The following RBM19 variants were observed in gnomAD, a reference collection of about 807,000 sequenced individuals.
RBM19 encodes the protein RNA binding motif protein 19.
Under a neutral mutation model 116.8 loss-of-function variants are expected in RBM19, and 94 were observed. That is an observed-to-expected ratio of 0.80 (90% CI 0.68 to 0.95). The LOEUF is 0.95. Ranked by LOEUF, RBM19 falls within the 40% of genes least tolerant of loss-of-function variation. RBM19 has a pLI of 0.00. For synonymous variants in RBM19, 475 were observed against 494.1 expected, an observed-to-expected ratio of 0.96 and a Z score of 0.51; for missense variants, 1,161 against 1,220.7, an observed-to-expected ratio of 0.95 and a Z score of 0.73.
intron 21 of RBM19, among the ~76,000 whole-genome samples, chr12:113,876,804 A>G (rs1458303585): frequency 6.6e-6 from 1 of 152,182 alleles, no homozygotes; most frequent in African/African-American, 2.4e-5. Context: ...AAAAATAGTA[A>G]TAATACAATA....
intron 22 of RBM19, among the ~76,000 whole-genome samples, chr12:113,854,837 G>T (rs1361561728): frequency 6.6e-6 from 1 of 152,242 alleles, no homozygotes; most frequent in Non-Finnish European, 1.5e-5. Flanking sequence ...ACTGGGGAGG[G>T]AGACTGGATG....
At position 113,825,693 on chromosome 12, in the gene RBM19, G is replaced by A. The variant is rs1874799500; in HGVS notation, c.2786-2372C>T. Among the ~76,000 whole-genome samples the A allele has an allele frequency of 6.6e-6, 1 of 152,104 alleles. No homozygotes were observed. The highest frequency in any genetic ancestry group is 2.4e-5 in the African/African-American group (1 of 41,404). ...CTCTCCCACATCCTGACAACTTGGA[G>A]GGACTGGCGAGGGGCGAGTTCTAGC... On this transcript the variant is annotated intron_variant, in intron 23 of 23. Transcript: ENST00000261741. This position sits in a 1 kb window ranked among gnomAD's most constrained non-coding sequence, Gnocchi z 5.7.
downstream of RBM19, among the ~76,000 whole-genome samples, chr12:113,819,002 G>C (rs577815120): frequency 8.5e-5 from 13 of 152,368 alleles, no homozygotes; most frequent in South Asian, 1.9e-3. Context: ...CGGGATGCCT[G>C]GAGTTTCTCT....
chr12:113,948,138 T>G (rs1871195783), intron 10 of RBM19, among the ~76,000 whole-genome samples: 1 of 152,202 alleles, frequency 6.6e-6, no homozygotes, highest in African/African-American at 2.4e-5. Context: ...ACATCAGGTG[T>G]TCAACCTACA....
intron 21 of RBM19, among the ~76,000 whole-genome samples, chr12:113,875,802 C>T (rs1289209795): frequency 2.6e-5 from 4 of 152,192 alleles, no homozygotes; most frequent in Non-Finnish European, 1.5e-5. Flanking sequence ...AGTCAATGAT[C>T]GTGTCTCTGG....
chr12:113,858,717 C>T (rs112209023), intron 22 of RBM19, 74 bp downstream of exon 22: 86 of 1,426,262 alleles, frequency 6.0e-5, no homozygotes, highest in Non-Finnish European at 8.3e-5. Context: ...GTGTTAGAGG[C>T]CTGGCTGTCT....
intron 23 of RBM19, among the ~76,000 whole-genome samples, chr12:113,830,379 T>C (rs1875274301): frequency 1.3e-5 from 2 of 152,102 alleles, no homozygotes; most frequent in East Asian, 3.9e-4. Context: ...ATGTTATTAA[T>C]CTTGGTGCTG....
chr12:113,935,240 A>G (rs11066827), intron 16 of RBM19, among the ~76,000 whole-genome samples: 30,361 of 151,824 alleles, frequency 0.2, 3,460 homozygotes, highest in African/African-American at 0.31. Flanking sequence ...GGCCTCCACC[A>G]ATTTGTTTTC....
intron 23 of RBM19, among the ~76,000 whole-genome samples, chr12:113,824,858 C>T (rs1874723238): frequency 6.6e-6 from 1 of 152,122 alleles, no homozygotes; most frequent in African/African-American, 2.4e-5. Context: ...ACTAGAGACC[C>T]CCCTCCCACC....
rs1566038702 is a variant in RBM19, at chr12:113,951,538, A to ACACACACAC, written c.1000+973_1000+974insGTGTGTGTG. ...TTACCTGACTGCACACACACACACA[A>ACACACACAC]ACACACACACACTCACACACACAAA... On this transcript the variant is annotated intron_variant, in intron 8 of 23. Transcript: ENST00000261741. Among the ~76,000 whole-genome samples the ACACACACAC allele has an allele frequency of 8.3e-3, 1,247 of 150,220 alleles. 28 individuals carry two copies. The highest frequency in any genetic ancestry group is 0.028 in the African/African-American group (1,172 of 41,170).
intron 21 of RBM19, among the ~76,000 whole-genome samples, chr12:113,888,085 C>T (rs1366473259): frequency 6.6e-6 from 1 of 152,150 alleles, no homozygotes; most frequent in African/African-American, 2.4e-5. Flanking sequence ...TGGTTAGCTC[C>T]CTGGACTTGC....
intron 17 of RBM19, among the ~76,000 whole-genome samples, chr12:113,926,336 G>A (rs192870932): frequency 2.0e-5 from 3 of 152,254 alleles, no homozygotes; most frequent in African/African-American, 4.8e-5. Context: ...AGTTGATGGC[G>A]ATCAGCCTGC....
intron 21 of RBM19, among the ~76,000 whole-genome samples, chr12:113,897,915 CT>C (rs1214016399): frequency 3.3e-5 from 5 of 152,230 alleles, no homozygotes; most frequent in African/African-American, 1.2e-4. Flanking sequence ...GGTAAACAGA[CT>C]CACAGGACAT....
chr12:113,889,302 T>C (rs555414428), intron 21 of RBM19, among the ~76,000 whole-genome samples: 1 of 152,272 alleles, frequency 6.6e-6, no homozygotes, highest in Non-Finnish European at 1.5e-5. Context: ...TCAGCACTGC[T>C]ATGGGGAAAG....
intron 21 of RBM19, among the ~76,000 whole-genome samples, chr12:113,891,255 G>T (rs1346568601): frequency 6.6e-6 from 1 of 152,206 alleles, no homozygotes; most frequent in Non-Finnish European, 1.5e-5. Context: ...CCACAGGTGG[G>T]ACGCTGGTTG....
intron 22 of RBM19, among the ~76,000 whole-genome samples, chr12:113,852,416 C>G (rs1157802677): frequency 6.6e-6 from 1 of 152,232 alleles, no homozygotes. Context: ...TCAATTCCTC[C>G]AGGGCTCTGC....
chr12:113,938,329 C>T (rs527393620), intron 15 of RBM19, among the ~76,000 whole-genome samples: 36 of 152,188 alleles, frequency 2.4e-4, no homozygotes, highest in African/African-American at 8.7e-4. Context: ...CACAGAGTCC[C>T]AAGCTAAAGA....
chr12:113,940,728 T>C lies in RBM19; in HGVS notation c.1738-568A>G, dbSNP rs962392558. ...CCCTGGGCTCCTTCCCTTCCCTGCA[T>C]CCCTTTCTCACCAGAGTTTTCTGCA... On this transcript the variant is annotated intron_variant, in intron 14 of 23. Transcript: ENST00000261741. Among the ~76,000 whole-genome samples, 9 of 152,230 alleles carry C rather than the reference T, an allele frequency of 5.9e-5. 1 individual carries two copies. The highest frequency in any genetic ancestry group is 2.2e-4 in the African/African-American group (9 of 41,456).
intron 23 of RBM19, among the ~76,000 whole-genome samples, chr12:113,838,190 C>T (rs1341967040): frequency 6.6e-6 from 1 of 152,224 alleles, no homozygotes; most frequent in Admixed American, 6.5e-5. Context: ...CATAACTGCA[C>T]TCACCCACTC....
Sources: gnomAD v4.1 joint callset for allele counts (sites outside exome capture counted in the v4.1 genomes callset) on GRCh38, gnomAD v4.1.1 for gene constraint, Gnocchi (gnomAD v3.1) non-coding constraint, MANE v1.5 for transcripts, NCBI Gene and HGNC (gene_info 2026-07-23, HGNC 2026-07-21) for gene names.